The following WHRN variants were observed in gnomAD, a reference collection of about 807,000 sequenced individuals.
The protein encoded by WHRN is CASK-interacting protein CIP98.
A neutral mutation model predicts 68.3 loss-of-function variants in WHRN; 41 were observed. The ratio of observed to expected loss-of-function variants is 0.60; its 90% confidence interval spans 0.47 to 0.78. The LOEUF (loss-of-function observed/expected upper bound fraction) is 0.78, where lower values mean the gene tolerates loss of function less well. Ranked by LOEUF, WHRN falls within the 30% of genes least tolerant of loss-of-function variation. WHRN has a pLI of 0.00. For missense variants in WHRN, 1,243 were observed against 1,244.7 expected (o/e 1.00, Z 0.02); for synonymous variants, 560 against 561.3 (o/e 1.00, Z 0.03).
At chr9:114,493,223 C>T (rs1843139884) in intron 1 of WHRN, among the ~76,000 whole-genome samples, 1 of 149,672 alleles carries the variant, frequency 6.7e-6, no homozygotes, top group South Asian at 2.1e-4. Context: ...TGGTGGTGCA[C>T]ACCTGTAGTC....
At chr9:114,405,518 T>A (rs1349972375) in intron 9 of WHRN, among the ~76,000 whole-genome samples, 1 of 152,216 alleles carries the variant, frequency 6.6e-6, no homozygotes, top group East Asian at 1.9e-4. Flanking sequence ...AAGTGCTTAT[T>A]GTTAGTACGG....
chr9:114,463,227 T>G (rs1322286956), intron 3 of WHRN, among the ~76,000 whole-genome samples: 1 of 152,194 alleles, frequency 6.6e-6, no homozygotes, highest in East Asian at 1.9e-4. Context: ...ACTCTCTGTG[T>G]TGGCTGCCAG....
At chr9:114,406,963 C>G in intron 8 of WHRN, 71 bp from the exon 9 acceptor site, 1 of 1,524,668 alleles carries the variant, frequency 6.6e-7, no homozygotes, top group Non-Finnish European at 8.9e-7. Flanking sequence ...GGCCGAGCAG[C>G]TGAGTGGTGC....
rs1844202188 is a variant in WHRN at position 114,504,354 on chromosome 9, C to T, written c.448G>A (p.Glu150Lys). The T allele has an allele frequency of 1.2e-6, 2 of 1,608,432 alleles. No homozygotes were observed. The highest frequency in any genetic ancestry group is 2.2e-5 in the East Asian group (1 of 44,890). ...CCACGGATGCTGAAGCCCAAGCCCT[C>T]GTGGGCCTTGGCACGCCGCAAACTC... ...LVSLRRAKAH[E>K]GLGFSIRGGS... Residue 150 changes from glutamate (E) to lysine (K), a missense_variant, in exon 1 of 12, where the codon GAG becomes AAG. Glu to Lys is a moderately conservative substitution (Grantham distance 56, BLOSUM62 1). Coordinates refer to ENST00000362057, the MANE Select transcript of WHRN (RefSeq NM_015404.4).
At chr9:114,433,310 C>T (rs1203333148) in intron 3 of WHRN, among the ~76,000 whole-genome samples, 1 of 152,180 alleles carries the variant, frequency 6.6e-6, no homozygotes, top group Non-Finnish European at 1.5e-5. Flanking sequence ...GAGAAGGCTG[C>T]CAACAACCTG....
At chr9:114,475,306 G>A (rs79229785) in intron 2 of WHRN, among the ~76,000 whole-genome samples, 5,693 of 152,116 alleles carry the variant, frequency 0.037, 139 homozygotes, top group Admixed American at 0.07. Flanking sequence ...TAGAGGCTGC[G>A]GGTTAGAACA....
chr9:114,485,220 C>G (rs940103055), intron 1 of WHRN, among the ~76,000 whole-genome samples: 3 of 152,238 alleles, frequency 2.0e-5, no homozygotes, highest in Non-Finnish European at 4.4e-5. Flanking sequence ...TAAGACCCAT[C>G]TTAGTGACCC....
intron 3 of WHRN, among the ~76,000 whole-genome samples, chr9:114,462,614 G>A (rs1017779267): frequency 2.6e-5 from 4 of 152,130 alleles, no homozygotes; most frequent in African/African-American, 4.8e-5. Flanking sequence ...TGTAAGTCTT[G>A]GTTTCTTCAG....
chr9:114,489,644 A>C (rs908426537), intron 1 of WHRN, among the ~76,000 whole-genome samples: 1 of 152,252 alleles, frequency 6.6e-6, no homozygotes, highest in Admixed American at 6.5e-5. Flanking sequence ...TAAATGTATT[A>C]GTAAATAAGC....
chr9:114,446,766 C>T (rs1838853185), intron 3 of WHRN, among the ~76,000 whole-genome samples: 1 of 152,182 alleles, frequency 6.6e-6, no homozygotes, highest in African/African-American at 2.4e-5. Flanking sequence ...TTCCATCTGC[C>T]TTAACTCATA....
chr9:114,490,230 C>T (rs1015718319), intron 1 of WHRN, among the ~76,000 whole-genome samples: 8 of 152,166 alleles, frequency 5.3e-5, no homozygotes, highest in Non-Finnish European at 1.0e-4. Flanking sequence ...TGCAGCCCAA[C>T]ATAAGGATCA....
rs1844253909 is a variant in WHRN, at chr9:114,504,704, C to A, written c.98G>T (p.Arg33Leu). ...CTGGCGCACGTTGGCAGACAGTAAC[C>A]GCAGCCCCGCGCCCCCGCCGCCGCC... is the stretch of plus-strand genomic sequence containing the variant. The part of the protein sequence containing the change: ...GAGGGGGAGL[R>L]LLSANVRQLH... The change falls in exon 1 of 12, where the codon CGG becomes CTG. Residue 33 changes from arginine (R) to leucine (L), a missense_variant. Transcript: ENST00000362057. 1.3e-6 allele frequency: 2 copies of A among 1,537,864 alleles called. No homozygotes were observed. The highest frequency in any genetic ancestry group is 2.5e-5 in the East Asian group (1 of 40,634).
chr9:114,475,601 C>G (rs1259141041), intron 2 of WHRN, among the ~76,000 whole-genome samples: 1 of 152,140 alleles, frequency 6.6e-6, no homozygotes, highest in Non-Finnish European at 1.5e-5. Flanking sequence ...CCTGAGAACC[C>G]ACTTCCTGAG....
chr9:114,409,850 C>T (rs1483783899), intron 7 of WHRN, among the ~76,000 whole-genome samples: 3 of 151,954 alleles, frequency 2.0e-5, no homozygotes, highest in East Asian at 1.9e-4. Context: ...CTTTATTTTT[C>T]TCCTTCTCAT....
intron 2 of WHRN, among the ~76,000 whole-genome samples, chr9:114,469,487 G>A (rs949910640): frequency 8.5e-5 from 13 of 152,198 alleles, no homozygotes; most frequent in African/African-American, 3.1e-4. Flanking sequence ...CTCAAGAACT[G>A]CCCTAGGCCA....
At chr9:114,469,404 C>T (rs962636312) in intron 2 of WHRN, among the ~76,000 whole-genome samples, 1 of 152,216 alleles carries the variant, frequency 6.6e-6, no homozygotes, top group African/African-American at 2.4e-5. Context: ...GAGGAAAGAA[C>T]AAGGCCACCC....
chr9:114,439,553 G>A (rs775502805), intron 3 of WHRN, among the ~76,000 whole-genome samples: 4 of 152,192 alleles, frequency 2.6e-5, no homozygotes, highest in Non-Finnish European at 5.9e-5. Flanking sequence ...CCTAGAAGAG[G>A]AGGTATCAGT....
At chr9:114,406,161 G>A (rs1835006851) in intron 9 of WHRN, among the ~76,000 whole-genome samples, 194 bp downstream of exon 9, 1 of 152,218 alleles carries the variant, frequency 6.6e-6, no homozygotes, top group African/African-American at 2.4e-5. Flanking sequence ...GTAGACGGCA[G>A]CTTGTCCACA....
chr9:114,475,113 A>G (rs1841542358), intron 2 of WHRN, among the ~76,000 whole-genome samples: 1 of 152,168 alleles, frequency 6.6e-6, no homozygotes, highest in Admixed American at 6.5e-5. Flanking sequence ...AAAATTAAAA[A>G]TACAACCACC....
Sources: allele counts gnomAD v4.1 joint callset (sites outside exome capture counted in the v4.1 genomes callset), GRCh38; gene constraint gnomAD v4.1.1; transcripts MANE v1.5; gene names NCBI Gene and HGNC (gene_info 2026-07-23, HGNC 2026-07-21).